The following PARD3 variants were observed in gnomAD, a reference collection of about 807,000 sequenced individuals.
PARD3 encodes the protein par-3 family cell polarity regulator, also known as partitioning defective 3 homolog.
Under a neutral mutation model 155.4 loss-of-function variants are expected in PARD3, and 75 were observed. That is an observed-to-expected ratio of 0.48 (90% confidence interval 0.40 to 0.58). The LOEUF (loss-of-function observed/expected upper bound fraction) is 0.58, where lower values mean the gene tolerates loss of function less well. PARD3 is among the 20% of genes least tolerant of loss of function. The probability of loss-of-function intolerance (pLI) is 0.00; values close to 1 mark genes in which losing one functional copy is unlikely to be tolerated. For missense variants in PARD3, 1,642 were observed against 1,721.7 expected (o/e 0.95, Z 0.82); for synonymous variants, 576 against 610.5 (o/e 0.94, Z 0.83).
At chr10:34,651,552 G>A (rs927088306) in intron 2 of PARD3, among the ~76,000 whole-genome samples, 3 of 152,196 alleles carry the variant, frequency 2.0e-5, no homozygotes, top group Non-Finnish European at 4.4e-5. Flanking sequence ...ACAGCCAACC[G>A]CAGTCCCTGA....
chr10:34,424,720 G>A (rs928387623), intron 5 of PARD3, among the ~76,000 whole-genome samples: 9 of 151,850 alleles, frequency 5.9e-5, no homozygotes, highest in Non-Finnish European at 1.0e-4. Context: ...TCGTCATGTT[G>A]CCCAGGCTGG....
At chr10:34,193,906 G>A (rs1451830961) in intron 22 of PARD3, among the ~76,000 whole-genome samples, 7 of 152,100 alleles carry the variant, frequency 4.6e-5, no homozygotes. Flanking sequence ...ACAAACTACG[G>A]GGTGCTCCTC....
intron 23 of PARD3, among the ~76,000 whole-genome samples, chr10:34,121,260 A>T (rs973807683): frequency 6.6e-6 from 1 of 152,172 alleles, no homozygotes; most frequent in Non-Finnish European, 1.5e-5. Flanking sequence ...GCCTTTTGAA[A>T]TAAAAGTAGC....
chr10:34,314,565 G>T (rs1035973714), intron 20 of PARD3, among the ~76,000 whole-genome samples: 1 of 152,180 alleles, frequency 6.6e-6, no homozygotes, highest in Non-Finnish European at 1.5e-5. Flanking sequence ...TATGTTCACC[G>T]TGGGGTGCTA....
chr10:34,774,015 T>C (rs956123653), intron 1 of PARD3, among the ~76,000 whole-genome samples: 2 of 152,180 alleles, frequency 1.3e-5, no homozygotes, highest in Non-Finnish European at 2.9e-5. Flanking sequence ...GCTTTCCAAG[T>C]TACTAAACAC....
At chr10:34,429,527 C>G (rs1353849111) in intron 5 of PARD3, among the ~76,000 whole-genome samples, 1 of 151,780 alleles carries the variant, frequency 6.6e-6, no homozygotes, top group Non-Finnish European at 1.5e-5. Flanking sequence ...TTCTGGGTAG[C>G]TAAGAATACA....
At chr10:34,580,213 C>A (rs2087311871) in intron 2 of PARD3, among the ~76,000 whole-genome samples, 1 of 152,152 alleles carries the variant, frequency 6.6e-6, no homozygotes, top group African/African-American at 2.4e-5. Flanking sequence ...CTGTGCCCAG[C>A]CAGAAAAGCA....
intron 2 of PARD3, among the ~76,000 whole-genome samples, chr10:34,650,710 T>C (rs1252678474): frequency 6.6e-6 from 1 of 151,638 alleles, no homozygotes; most frequent in African/African-American, 2.4e-5. Context: ...AACCAAAAAG[T>C]GCAAAAAGAA....
chr10:34,483,507 A>AG (rs1173628145), intron 3 of PARD3, among the ~76,000 whole-genome samples: 1 of 130,900 alleles, frequency 7.6e-6, no homozygotes, highest in East Asian at 2.0e-4. Flanking sequence ...AAAGAGAGAG[A>AG]AAAAAAAACA....
chr10:34,750,054 C>A (rs1228527867), intron 1 of PARD3, among the ~76,000 whole-genome samples: 1 of 116,340 alleles, frequency 8.6e-6, no homozygotes, highest in Non-Finnish European at 2.1e-5. Flanking sequence ...CACACACACA[C>A]ACACACACAC....
chr10:34,598,096 G>A (rs764218308), intron 2 of PARD3, among the ~76,000 whole-genome samples: 19 of 152,154 alleles, frequency 1.2e-4, no homozygotes, highest in Non-Finnish European at 2.8e-4. Flanking sequence ...CTATCTGTAA[G>A]AGCTGAAAAG....
rs1262214371 is a variant in PARD3, at chr10:34,360,155, A to G, written c.1812T>C (p.Ser604=). The change falls in exon 13 of 25, where the codon AGT becomes AGC. Residue 604 remains serine, a synonymous_variant. Transcript: ENST00000374788. ...TCTCTTTTGACCGGTTACCTTTGAC[A>G]CTGACACCAAGGCCTGCAGATCCTG... ...NDSGSAGLGV[S]VKGNRSKENH... 6.2e-7 allele frequency: 1 copy of G among 1,614,046 alleles called. No homozygotes were observed. The highest frequency in any genetic ancestry group is 8.5e-7 in the Non-Finnish European group (1 of 1,179,890).
intron 7 of PARD3, among the ~76,000 whole-genome samples, chr10:34,385,113 G>A (rs955905944): frequency 6.6e-6 from 1 of 152,050 alleles, no homozygotes; most frequent in African/African-American, 2.4e-5. Flanking sequence ...TCTGATTGCT[G>A]TTATTTTTAT....
rs966771161 is a variant in PARD3 at position 34,511,692 on chromosome 10, A to C, written c.403+5287T>G. On this transcript the variant is annotated intron_variant, in intron 3 of 24. Coordinates refer to ENST00000374788, the MANE Select transcript of PARD3 (RefSeq NM_001184785.2). The stretch of plus-strand genomic sequence containing the variant: ...TCCTCTTCATCTACTATTTGGTTAT[A>C]CAGTGATACCACTCATACAAAGGAT... 1.4e-4 allele frequency among the ~76,000 whole-genome samples: 21 copies of C among 152,316 alleles called. No homozygotes were observed. The East Asian group carries it at 3.9e-3, about 28-fold the overall frequency.
At chr10:34,132,642 G>A (rs573524317) in intron 22 of PARD3, among the ~76,000 whole-genome samples, 18 of 152,312 alleles carry the variant, frequency 1.2e-4, no homozygotes, top group African/African-American at 4.1e-4. Flanking sequence ...CACTAAAGCA[G>A]TAAGTTTCAT....
chr10:34,439,394 GAA>G (rs955898869), intron 5 of PARD3, among the ~76,000 whole-genome samples: 1 of 138,972 alleles, frequency 7.2e-6, no homozygotes, highest in Non-Finnish European at 1.6e-5. Flanking sequence ...GTAACTTGCA[GAA>G]AAAAAAAAAA....
At chr10:34,674,784 G>A (rs944514926) in intron 2 of PARD3, among the ~76,000 whole-genome samples, 2 of 152,120 alleles carry the variant, frequency 1.3e-5, no homozygotes, top group African/African-American at 2.4e-5. Flanking sequence ...ACCGTGCCCA[G>A]CCCTCACTCT....
intron 2 of PARD3, among the ~76,000 whole-genome samples, chr10:34,608,701 ATTTTGTAT>A (rs2090659294): frequency 6.6e-6 from 1 of 151,656 alleles, no homozygotes; most frequent in Non-Finnish European, 1.5e-5. Context: ...CGCTCGCCTA[ATTTTGTAT>A]TTTTAGTAGA....
chr10:34,184,510 G>T (rs1346852031), intron 22 of PARD3, among the ~76,000 whole-genome samples: 1 of 152,070 alleles, frequency 6.6e-6, no homozygotes, highest in Non-Finnish European at 1.5e-5. Context: ...AAGCCGGGGG[G>T]TATTATATAA....
Sources: gnomAD v4.1 joint callset for allele counts (sites outside exome capture counted in the v4.1 genomes callset) on GRCh38, gnomAD v4.1.1 for gene constraint, MANE v1.5 for transcripts, NCBI Gene and HGNC (gene_info 2026-07-23, HGNC 2026-07-21) for gene names.